The following GFM2 variants were observed in gnomAD, a reference collection of about 807,000 sequenced individuals.
GFM2 encodes GTP dependent ribosome recycling factor mitochondrial 2.
A neutral mutation model predicts 95.4 loss-of-function variants in GFM2; 72 were observed. The ratio of observed to expected loss-of-function variants is 0.76; its 90% CI spans 0.62 to 0.92. GFM2 has a LOEUF of 0.92. Ranked by LOEUF, GFM2 falls within the 40% of genes least tolerant of loss-of-function variation. GFM2 has a pLI of 0.00. For missense variants in GFM2, 825 were observed against 924.1 expected, an observed-to-expected ratio of 0.89 and a Z score of 1.39; for synonymous variants, 276 against 317.5, an observed-to-expected ratio of 0.87 and a Z score of 1.39.
intron 7 of GFM2, among the ~76,000 whole-genome samples, chr5:74,748,317 C>T (rs889391137): frequency 2.6e-5 from 4 of 152,102 alleles, no homozygotes; most frequent in Admixed American, 1.3e-4. Flanking sequence ...AAGTGTATAG[C>T]TCAATGCGTT....
Position 74,751,409 on chromosome 5 carries a change from A to T in GFM2, c.389T>A (p.Phe130Tyr), listed in dbSNP as rs781672459. ...GITIQSAAVT[F>Y]DWKGYRVNLI... ...ATTGACTCTATAACCTTTCCAATCA[A>T]ATGTAACAGCAGCTGATTGAATAGT... The change falls in exon 6 of 21, where the codon TTT becomes TAT. Residue 130 changes from phenylalanine (F) to tyrosine (Y), a missense_variant. Coordinates refer to ENST00000296805, the MANE Select transcript of GFM2 (RefSeq NM_032380.5). The T allele has an allele frequency of 3.7e-6, 6 of 1,611,990 alleles. No individual in the cohort carries two copies. The highest frequency in any genetic ancestry group is 5.1e-6 in the Non-Finnish European group (6 of 1,178,216).
chr5:74,722,341 TAAG>T (rs757966559), intron 20 of GFM2, 35 bp downstream of exon 20: 7 of 1,519,216 alleles, frequency 4.6e-6, no homozygotes, highest in South Asian at 4.6e-5. Context: ...TCCCCTGAAT[TAAG>T]AAGAATATGT....
chr5:74,764,850 A>T (rs1744471243), intron 1 of GFM2, among the ~76,000 whole-genome samples: 1 of 120,278 alleles, frequency 8.3e-6, no homozygotes, highest in South Asian at 2.8e-4. Flanking sequence ...CAGTGGCTTG[A>T]TCTCAGCTCC....
At position 74,730,354 on chromosome 5, in the gene GFM2, A is replaced by G. The variant is rs565461805; in HGVS notation, c.1632T>C (p.His544=). The G allele has an allele frequency of 2.8e-5, 45 of 1,612,664 alleles. No homozygotes were observed. In the African/African-American group the frequency reaches 5.5e-4, roughly 20 times the overall value. The change falls in exon 17 of 21, where the codon CAT becomes CAC. Residue 544 remains histidine, a synonymous_variant. Transcript: ENST00000296805. ...GMGELHIEII[H]DRIKREYGLE... ...GTCCATATTCCCTCTTGATTCGATCATGAATAATCTCTATATGTAACTCCC... is the reference window on the plus strand; with the variant it reads ...GTCCATATTCCCTCTTGATTCGATCGTGAATAATCTCTATATGTAACTCCC...
At chr5:74,735,869 A>C (rs1489618232) in intron 15 of GFM2, among the ~76,000 whole-genome samples, 1 of 152,038 alleles carries the variant, frequency 6.6e-6, no homozygotes, top group Non-Finnish European at 1.5e-5. Flanking sequence ...GCAGCCTTCC[A>C]CTCTACTCTG....
At chr5:74,748,865 C>CAAAAT (rs1330948966) in intron 7 of GFM2, among the ~76,000 whole-genome samples, 20 of 74,548 alleles carry the variant, frequency 2.7e-4, no homozygotes, top group Middle Eastern at 0.013. Context: ...ACTCCTGTCT[C>CAAAAT]AAAATAAAAT....
At chr5:74,746,354 A>C (rs1743386817) in intron 8 of GFM2, among the ~76,000 whole-genome samples, 189 bp from the exon 9 acceptor site, 1 of 152,196 alleles carries the variant, frequency 6.6e-6, no homozygotes, top group African/African-American at 2.4e-5. Context: ...CTTTTATGTC[A>C]ATTTCAGATA....
chr5:74,722,597 A>C (rs1295284526), intron 19 of GFM2, 36 bp from the exon 20 acceptor site: 1 of 1,544,108 alleles, frequency 6.5e-7, no homozygotes, highest in Admixed American at 2.0e-5. Flanking sequence ...TATCTTTCAT[A>C]AATAAAAACT....
intron 7 of GFM2, among the ~76,000 whole-genome samples, chr5:74,748,649 G>A (rs1743512967): frequency 6.6e-6 from 1 of 152,044 alleles, no homozygotes; most frequent in Non-Finnish European, 1.5e-5. Context: ...TGGATCACTT[G>A]AGGTCAGAAG....
rs777007726 is a variant in GFM2, at chr5:74,733,116, G to A, written c.1511-18C>T. On this transcript the variant is annotated intron_variant, in intron 15 of 20. Coordinates refer to ENST00000296805, the MANE Select transcript of GFM2 (RefSeq NM_032380.5). The stretch of plus-strand genomic sequence containing the variant: ...TTCCAAATCTATGGGATAAACAACT[G>A]TTATCTTTACATTTCATTTTTTAAA... 3.3e-6 allele frequency: 5 copies of A among 1,537,346 alleles called. No individual in the cohort carries two copies. Among genetic ancestry groups the A allele is most frequent in the Non-Finnish European group, 4.5e-6 (5 of 1,110,664 alleles).
intron 5 of GFM2, among the ~76,000 whole-genome samples, chr5:74,757,665 G>A (rs889982737): frequency 6.8e-6 from 1 of 147,094 alleles, no homozygotes; most frequent in African/African-American, 2.5e-5. Context: ...AGAGTTCAAG[G>A]CTGCAGTGAG....
Position 74,740,026 on chromosome 5 carries a change from AC to A in GFM2, c.1041del (p.Met347IlefsTer47). The A allele has an allele frequency of 6.3e-7, 1 of 1,596,834 alleles. No individual in the cohort carries two copies. The highest frequency in any genetic ancestry group is 8.5e-7 in the Non-Finnish European group (1 of 1,173,166). On this transcript the variant is annotated frameshift_variant, in exon 12 of 21. Transcript: ENST00000296805. LOFTEE classifies it high-confidence loss of function. Reference protein sequence around the residue: ...GIQPLLDAVTMYLPSPEERNY... With the variant: ...GIQPLLDAVTXYLPSPEERNY... ...TTACGCTCTTCAGGTGAAGGTAAGT[AC>A]ATAGTAACAGCATCTAACAAGGGCT...
chr5:74,750,422 T>C (rs1301919324), intron 7 of GFM2, among the ~76,000 whole-genome samples, 157 bp downstream of exon 7: 2 of 152,258 alleles, frequency 1.3e-5, no homozygotes, highest in African/African-American at 4.8e-5. Context: ...AGATTACATG[T>C]AGATTACATC....
intron 2 of GFM2, among the ~76,000 whole-genome samples, chr5:74,762,631 C>T (rs886861543): frequency 6.6e-6 from 1 of 152,126 alleles, no homozygotes; most frequent in Non-Finnish European, 1.5e-5. Context: ...ATCCAAATTG[C>T]CAGCATCACT....
intron 1 of GFM2, 31 bp from the exon 2 acceptor site, chr5:74,763,797 C>T (rs776855166): frequency 4.4e-6 from 6 of 1,360,700 alleles, no homozygotes; most frequent in Non-Finnish European, 6.3e-6. Flanking sequence ...AATCAAAAAA[C>T]TAAACTTATG....
intron 20 of GFM2, 61 bp from the exon 21 acceptor site, chr5:74,721,844 G>A (rs1749902495): frequency 6.7e-7 from 1 of 1,489,078 alleles, no homozygotes; most frequent in East Asian, 2.3e-5. Flanking sequence ...TTCTCTTCCT[G>A]CTGATTATCT....
At chr5:74,722,713 G>C in intron 19 of GFM2, 152 bp from the exon 20 acceptor site, 1 of 588,062 alleles carries the variant, frequency 1.7e-6, no homozygotes, top group Non-Finnish European at 2.9e-6. Context: ...ATATTTGCTT[G>C]TATAATAAGC....
At chr5:74,750,553 C>G (rs1025898569) in intron 7 of GFM2, 26 bp downstream of exon 7, 1 of 1,520,096 alleles carries the variant, frequency 6.6e-7, no homozygotes, top group Non-Finnish European at 9.1e-7. Flanking sequence ...TGTTCTAATT[C>G]CCTTTACTTT....
Position 74,767,026 on chromosome 5 carries a change from T to C in GFM2, c.-113A>G. ...AGCCGCGCCAAAGTCTGCAACGGCC[T>C]CAAGTCTCGACGCCAGCCTAGGCAA... is the stretch of plus-strand genomic sequence containing the variant. On this transcript the variant is annotated 5_prime_UTR_variant, in exon 1 of 21. Coordinates refer to ENST00000296805, the MANE Select transcript of GFM2 (RefSeq NM_032380.5). The C allele has an allele frequency of 3.6e-6, 1 of 275,456 alleles. No homozygotes were observed. Among genetic ancestry groups the C allele is most frequent in the East Asian group, 7.5e-5 (1 of 13,346 alleles). 17.1% of individuals were successfully genotyped at this position (275,456 alleles called of 1,614,324 possible). A position where few individuals can be genotyped will look rare whatever the true frequency, so the allele number is the denominator to read the frequency against.
Sources: gnomAD v4.1 joint callset for allele counts (sites outside exome capture counted in the v4.1 genomes callset) on GRCh38, gnomAD v4.1.1 for gene constraint, MANE v1.5 for transcripts, NCBI Gene and HGNC (gene_info 2026-07-23, HGNC 2026-07-21) for gene names.